The following USH2A variants were observed in gnomAD, a reference collection of about 807,000 sequenced individuals.
The protein encoded by USH2A is Usher syndrome 2A (autosomal recessive, mild).
A neutral mutation model predicts 538.9 loss-of-function variants in USH2A; 443 were observed. That is an observed-to-expected ratio of 0.82 (90% CI 0.76 to 0.89). The LOEUF is 0.89. USH2A is among the 40% of genes least tolerant of loss of function. The pLI is 0.00. For synonymous variants in USH2A, 2,413 were observed against 2,273.5 expected (o/e 1.06, Z -1.75); for missense variants, 6,633 against 6,324.8 (o/e 1.05, Z -1.65).
chr1:215,865,930 T>A (rs183975289), intron 44 of USH2A, among the ~76,000 whole-genome samples: 6 of 152,312 alleles, frequency 3.9e-5, no homozygotes, highest in African/African-American at 1.4e-4. Context: ...ATGGAGCATC[T>A]CTCTTCTTAA....
At chr1:215,853,056 C>A (rs1484467749) in intron 44 of USH2A, among the ~76,000 whole-genome samples, 1 of 152,222 alleles carries the variant, frequency 6.6e-6, no homozygotes, top group Non-Finnish European at 1.5e-5. Context: ...AGGCACCCAC[C>A]CCTTTTCCCT....
At chr1:216,378,382 A>T (rs2038874774) in intron 3 of USH2A, among the ~76,000 whole-genome samples, 1 of 152,106 alleles carries the variant, frequency 6.6e-6, no homozygotes, top group Non-Finnish European at 1.5e-5. Flanking sequence ...ATTCTATGTA[A>T]ATATAATCAA....
chr1:216,397,538 G>A (rs1053731197), intron 3 of USH2A, among the ~76,000 whole-genome samples: 19 of 152,234 alleles, frequency 1.2e-4, no homozygotes, highest in African/African-American at 3.6e-4. Flanking sequence ...GCAGACAGAA[G>A]AAGGGGGATA....
chr1:216,396,935 C>T (rs951813703), intron 3 of USH2A, among the ~76,000 whole-genome samples: 1 of 152,216 alleles, frequency 6.6e-6, no homozygotes, highest in African/African-American at 2.4e-5. Context: ...TCTCTTCCCC[C>T]TGAAGTATTT....
intron 38 of USH2A, among the ~76,000 whole-genome samples, chr1:215,907,432 T>C (rs1395922753): frequency 6.6e-6 from 1 of 152,060 alleles, no homozygotes; most frequent in East Asian, 1.9e-4. Context: ...CTCCAACTAG[T>C]TTCCATATAG....
intron 21 of USH2A, among the ~76,000 whole-genome samples, chr1:216,169,440 A>T (rs1308842293): frequency 6.6e-6 from 1 of 152,128 alleles, no homozygotes; most frequent in African/African-American, 2.4e-5. Flanking sequence ...GATGTAGTTG[A>T]TGAATGGGGA....
chr1:215,991,751 T>C (rs566360317), intron 35 of USH2A, among the ~76,000 whole-genome samples: 4 of 152,332 alleles, frequency 2.6e-5, no homozygotes, highest in Admixed American at 6.5e-5. Context: ...CTGAGAGCAA[T>C]TGTAGTTCTA....
At chr1:216,265,710 ACT>A (rs2036458225) in intron 11 of USH2A, among the ~76,000 whole-genome samples, 1 of 151,880 alleles carries the variant, frequency 6.6e-6, no homozygotes, top group Non-Finnish European at 1.5e-5. Flanking sequence ...AAGGAATAAA[ACT>A]CTGTCTTTTG....
intron 2 of USH2A, among the ~76,000 whole-genome samples, chr1:216,420,017 A>G (rs953345263): frequency 6.6e-6 from 1 of 152,164 alleles, no homozygotes; most frequent in Non-Finnish European, 1.5e-5. Context: ...TTTAGATGAC[A>G]TAAAGGTTTT....
At chr1:215,702,858 G>C (rs746310045) in intron 61 of USH2A, among the ~76,000 whole-genome samples, 11 of 151,850 alleles carry the variant, frequency 7.2e-5, no homozygotes, top group South Asian at 2.1e-4. Flanking sequence ...TTCCCTTGCT[G>C]GCGAGGAGTT....
chr1:216,340,450 CA>C (rs1415420249), intron 4 of USH2A, among the ~76,000 whole-genome samples: 1 of 146,732 alleles, frequency 6.8e-6, no homozygotes, highest in African/African-American at 2.5e-5. Flanking sequence ...GAAACTATTC[CA>C]AAAAATTGAA....
intron 61 of USH2A, among the ~76,000 whole-genome samples, chr1:215,694,403 T>C (rs1249584206): frequency 2.6e-5 from 4 of 151,970 alleles, no homozygotes; most frequent in Admixed American, 6.6e-5. Flanking sequence ...GAAACCCCGT[T>C]TCTACTAAAA....
chr1:215,882,651 T>C (rs539738404), intron 41 of USH2A, among the ~76,000 whole-genome samples: 14 of 152,280 alleles, frequency 9.2e-5, no homozygotes, highest in African/African-American at 3.4e-4. Flanking sequence ...AAAGCAAATA[T>C]ACTCCTGCAT....
chr1:215,879,165 G>A, intron 41 of USH2A, 67 bp from the exon 42 acceptor site: 5 of 1,436,030 alleles, frequency 3.5e-6, no homozygotes, highest in Non-Finnish European at 4.9e-6. Context: ...AGTTCACGAG[G>A]CCTAGAATTT....
At chr1:216,054,844 C>G (rs774488098) in intron 30 of USH2A, among the ~76,000 whole-genome samples, 14 of 152,204 alleles carry the variant, frequency 9.2e-5, no homozygotes, top group Non-Finnish European at 1.8e-4. Context: ...TGTCACCCAG[C>G]TTTTAATTCA....
At chr1:215,928,927 G>A (rs570115422) in intron 38 of USH2A, among the ~76,000 whole-genome samples, 3 of 151,944 alleles carry the variant, frequency 2.0e-5, no homozygotes, top group African/African-American at 7.2e-5. Flanking sequence ...GGTATTATTG[G>A]GCAAAAATCA....
intron 19 of USH2A, among the ~76,000 whole-genome samples, chr1:216,194,589 C>T (rs2034796459): frequency 6.6e-6 from 1 of 151,974 alleles, no homozygotes; most frequent in African/African-American, 2.4e-5. Flanking sequence ...GAAAGTGAGA[C>T]AGCAATATTA....
At chr1:216,010,196 A>G (rs1668524883) in intron 32 of USH2A, among the ~76,000 whole-genome samples, 2 of 152,176 alleles carry the variant, frequency 1.3e-5, no homozygotes, top group African/African-American at 4.8e-5. Context: ...CCCCAGCCAC[A>G]TCTCCAGCAC....
intron 63 of USH2A, 63 bp downstream of exon 63, chr1:215,674,037 G>T: frequency 6.2e-7 from 1 of 1,612,936 alleles, no homozygotes; most frequent in Non-Finnish European, 8.5e-7. Context: ...ACTGACCAAG[G>T]GCTCAGGCAA....
Sources: allele counts gnomAD v4.1 joint callset (sites outside exome capture counted in the v4.1 genomes callset), GRCh38; gene constraint gnomAD v4.1.1; transcripts MANE v1.5; gene names NCBI Gene and HGNC (gene_info 2026-07-23, HGNC 2026-07-21).